The following SGPL1 variants were observed in gnomAD, a reference collection of about 807,000 sequenced individuals.
SGPL1 encodes the protein sphingosine-1-phosphate lyase 1.
SGPL1 carries 37 observed loss-of-function variants against 68.9 expected under a neutral mutation model. The observed-to-expected ratio is 0.54, with a 90% confidence interval of 0.41 to 0.71. SGPL1 has a LOEUF of 0.71. Ranked by LOEUF, SGPL1 falls within the 30% of genes least tolerant of loss-of-function variation. The pLI, the probability that SGPL1 is intolerant of heterozygous loss-of-function variation, is 0.00. For synonymous variants in SGPL1, 236 were observed against 248.5 expected (o/e 0.95, Z 0.47); for missense variants, 551 against 704.6 (o/e 0.78, Z 2.47).
At chr10:70,840,246 C>T (rs1312119825) in intron 2 of SGPL1, among the ~76,000 whole-genome samples, 7 of 152,064 alleles carry the variant, frequency 4.6e-5, no homozygotes. Flanking sequence ...CACTTAATCA[C>T]AAGCATGTCT....
At chr10:70,818,621 G>A (rs984778209) in intron 2 of SGPL1, among the ~76,000 whole-genome samples, 1 of 152,156 alleles carries the variant, frequency 6.6e-6, no homozygotes, top group Non-Finnish European at 1.5e-5. Flanking sequence ...GTCTGCAGGG[G>A]GGCTAAAGAA....
chr10:70,834,124 T>A (rs1010530037), intron 2 of SGPL1, among the ~76,000 whole-genome samples: 5 of 152,262 alleles, frequency 3.3e-5, no homozygotes, highest in African/African-American at 1.2e-4. Context: ...AGCTACTGGG[T>A]CATCTTTTAA....
Position 70,877,302 on chromosome 10 carries a change from C to A in SGPL1, c.1674C>A (p.Gly558=). The change falls in exon 15 of 15, where the codon GGC becomes GGA. Residue 558 remains glycine (G), a synonymous_variant. Coordinates refer to ENST00000373202, the MANE Select transcript of SGPL1 (RefSeq NM_003901.4). The stretch of plus-strand genomic sequence containing the variant: ...ACAGCACCGACACTGTCACCCAGGG[C>A]AGCCAGATGAATGGTTCTCCAAAAC... The part of the protein sequence containing the change: ...SLYSTDTVTQ[G]SQMNGSPKPH The A allele has an allele frequency of 6.2e-7, 1 of 1,614,202 alleles. No individual in the cohort carries two copies. Among genetic ancestry groups the A allele is most frequent in the Non-Finnish European group, 8.5e-7 (1 of 1,180,014 alleles).
chr10:70,869,591 TAGG>T lies in SGPL1; in HGVS notation c.705-197_705-195del, dbSNP rs1846252106. Among the ~76,000 whole-genome samples the T allele has an allele frequency of 3.3e-5, 5 of 152,156 alleles. 1 individual carries two copies. The highest frequency in any genetic ancestry group is 7.4e-5 in the Non-Finnish European group (5 of 68,022). ...CCTATTGCCAGAATGATTTCCTAAA[TAGG>T]AGGGAAGTTTCTGCAGAAAATCAGT... is the stretch of plus-strand genomic sequence containing the variant. On this transcript the variant is annotated intron_variant, in intron 8 of 14. Transcript: ENST00000373202.
At chr10:70,856,320 A>G (rs184421986) in intron 5 of SGPL1, among the ~76,000 whole-genome samples, 1 of 152,264 alleles carries the variant, frequency 6.6e-6, no homozygotes, top group Non-Finnish European at 1.5e-5. Flanking sequence ...TACAATTTCT[A>G]AGTGACATGT....
chr10:70,855,151 C>T (rs991860132), intron 5 of SGPL1, among the ~76,000 whole-genome samples: 3 of 152,058 alleles, frequency 2.0e-5, no homozygotes, highest in Admixed American at 1.3e-4. Context: ...ATATGTAATA[C>T]AAATGAAATA....
chr10:70,862,778 C>G (rs757975159), intron 7 of SGPL1, among the ~76,000 whole-genome samples: 1 of 152,056 alleles, frequency 6.6e-6, no homozygotes, highest in South Asian at 2.1e-4. Context: ...GAAGAAATTC[C>G]GGACACATCC....
At chr10:70,835,990 A>G (rs903668869) in intron 2 of SGPL1, among the ~76,000 whole-genome samples, 1 of 152,188 alleles carries the variant, frequency 6.6e-6, no homozygotes, top group Non-Finnish European at 1.5e-5. Flanking sequence ...ACGAGTTGTT[A>G]TGGAAGCCTG....
chr10:70,841,666 C>G (rs1002058869), intron 2 of SGPL1, among the ~76,000 whole-genome samples: 1 of 152,064 alleles, frequency 6.6e-6, no homozygotes. Context: ...TAGATTTCAA[C>G]ATATGAATTT....
intron 7 of SGPL1, among the ~76,000 whole-genome samples, chr10:70,866,051 G>C (rs1424985834): frequency 6.6e-6 from 1 of 152,172 alleles, no homozygotes; most frequent in Admixed American, 6.5e-5. Flanking sequence ...AAGTGGGAGA[G>C]TAATAGCATT....
chr10:70,858,922 C>T (rs1389224247), intron 6 of SGPL1, among the ~76,000 whole-genome samples: 2 of 152,186 alleles, frequency 1.3e-5, no homozygotes, highest in African/African-American at 4.8e-5. Context: ...TCTGTACACA[C>T]ACCTGATATT....
intron 11 of SGPL1, among the ~76,000 whole-genome samples, chr10:70,872,357 C>T (rs779649395): frequency 1.3e-5 from 2 of 152,144 alleles, no homozygotes; most frequent in Non-Finnish European, 2.9e-5. Flanking sequence ...GTGGAGTTCC[C>T]ATGCTGGTAG....
At chr10:70,859,923 C>A (rs1026714194) in intron 7 of SGPL1, among the ~76,000 whole-genome samples, 1 of 152,174 alleles carries the variant, frequency 6.6e-6, no homozygotes, top group Non-Finnish European at 1.5e-5. Flanking sequence ...CCTCATCCCC[C>A]ACCTGCATAC....
chr10:70,818,353 C>CA (rs1845276706), intron 2 of SGPL1, among the ~76,000 whole-genome samples: 1 of 152,322 alleles, frequency 6.6e-6, no homozygotes, highest in Admixed American at 6.5e-5. Flanking sequence ...CTCCTAACCT[C>CA]AGGTGATCCA....
At position 70,868,352 on chromosome 10, in the gene SGPL1, C is replaced by T. The variant is rs2131935877; in HGVS notation, c.623C>T (p.Ser208Phe). The stretch of plus-strand genomic sequence containing the variant: ...ATCTCTTCTTTATTATAGGTGACTT[C>T]TGGGGGAACAGAAAGCATACTGATG... ...GGPDSCGCVT[S>F]GGTESILMAC... The change falls in exon 8 of 15, where the codon TCT becomes TTT. Residue 208 changes from serine (S) to phenylalanine (F), a missense_variant. Coordinates refer to ENST00000373202, the MANE Select transcript of SGPL1 (RefSeq NM_003901.4). 3.1e-6 allele frequency: 5 copies of T among 1,610,710 alleles called. No individual in the cohort carries two copies. Among genetic ancestry groups the T allele is most frequent in the South Asian group, 2.2e-5 (2 of 90,460 alleles).
chr10:70,855,594 T>C (rs1845951398), intron 5 of SGPL1, among the ~76,000 whole-genome samples: 2 of 152,244 alleles, frequency 1.3e-5, no homozygotes, highest in South Asian at 2.1e-4. Context: ...ATCATACATG[T>C]ATAAATGTTT....
At chr10:70,844,397 G>C in intron 2 of SGPL1, 76 bp from the exon 3 acceptor site, 1 of 1,346,246 alleles carries the variant, frequency 7.4e-7, no homozygotes, top group Non-Finnish European at 1.0e-6. Flanking sequence ...AAAAATGAGA[G>C]TTGAAGTACA....
chr10:70,869,981 ATGGG>A, intron 9 of SGPL1, 84 bp downstream of exon 9: 23 of 1,094,540 alleles, frequency 2.1e-5, no homozygotes, highest in Non-Finnish European at 3.0e-5. Context: ...TTCCAGTCAG[ATGGG>A]TCTGACTGCC....
chr10:70,816,760 G>A, intron 1 of SGPL1, 51 bp from the exon 2 acceptor site: 2 of 1,285,242 alleles, frequency 1.6e-6, no homozygotes, highest in Non-Finnish European at 2.3e-6. Flanking sequence ...AGGCGGGCTG[G>A]CGAGACAGTT....
Sources: gnomAD v4.1 joint callset for allele counts (sites outside exome capture counted in the v4.1 genomes callset) on GRCh38, gnomAD v4.1.1 for gene constraint, MANE v1.5 for transcripts, NCBI Gene and HGNC (gene_info 2026-07-23, HGNC 2026-07-21) for gene names.